The following AFF3 variants were observed in gnomAD, a reference collection of about 807,000 sequenced individuals.
AFF3 encodes the protein ALF transcription elongation factor 3.
In AFF3, 32 loss-of-function variants were observed where a neutral mutation model predicts 129.7. The ratio of observed to expected loss-of-function variants is 0.25; its 90% CI spans 0.19 to 0.33. AFF3 has a LOEUF of 0.33. Among genes scored for constraint, AFF3 ranks in the 10% least tolerant of loss-of-function variants. The probability of loss-of-function intolerance (pLI) is 1.00; values close to 1 mark genes in which losing one functional copy is unlikely to be tolerated. For synonymous variants in AFF3, 644 were observed against 635.4 expected, an observed-to-expected ratio of 1.01 and a Z score of -0.20; for missense variants, 1,373 against 1,592.0, an observed-to-expected ratio of 0.86 and a Z score of 2.34.
intron 7 of AFF3, among the ~76,000 whole-genome samples, chr2:99,920,048 C>T (rs1695748217): frequency 6.6e-6 from 1 of 152,054 alleles, no homozygotes; most frequent in East Asian, 1.9e-4. Context: ...AACTCTATAT[C>T]TGTTTAAGAA....
chr2:99,915,985 G>C (rs1695448863), intron 7 of AFF3, among the ~76,000 whole-genome samples: 1 of 152,124 alleles, frequency 6.6e-6, no homozygotes, highest in Non-Finnish European at 1.5e-5. Flanking sequence ...TAAAGTTTCT[G>C]AAAGACAAAG....
At chr2:99,826,524 G>C (rs1688091872) in intron 8 of AFF3, among the ~76,000 whole-genome samples, 1 of 152,200 alleles carries the variant, frequency 6.6e-6, no homozygotes, top group Non-Finnish European at 1.5e-5. Context: ...GACATCTCTA[G>C]TGAGGCTTGG....
intron 4 of AFF3, among the ~76,000 whole-genome samples, chr2:100,053,115 A>G (rs945101417): frequency 3.9e-5 from 6 of 152,230 alleles, no homozygotes; most frequent in African/African-American, 7.2e-5. Flanking sequence ...CAGGTAATCA[A>G]AAAGTCATTT....
intron 10 of AFF3, among the ~76,000 whole-genome samples, chr2:99,734,756 T>C (rs1337799073): frequency 6.6e-6 from 1 of 152,134 alleles, no homozygotes; most frequent in African/African-American, 2.4e-5. Flanking sequence ...ATTTTGTACT[T>C]GGCTGGATGG....
intron 7 of AFF3, among the ~76,000 whole-genome samples, chr2:99,849,403 C>G (rs766324067): frequency 6.6e-6 from 1 of 152,122 alleles, no homozygotes; most frequent in Non-Finnish European, 1.5e-5. Context: ...CTCAAAATCA[C>G]CAGAGGTTGT....
chr2:100,016,952 ATGG>A (rs1356703591), intron 4 of AFF3, among the ~76,000 whole-genome samples: 1 of 143,398 alleles, frequency 7.0e-6, no homozygotes, highest in Non-Finnish European at 1.5e-5. Context: ...AGTGAAGTTG[ATGG>A]TGGTGATGAT....
At chr2:100,054,628 T>C (rs1331677956) in intron 4 of AFF3, among the ~76,000 whole-genome samples, 7 of 152,250 alleles carry the variant, frequency 4.6e-5, no homozygotes, top group Admixed American at 4.6e-4. Flanking sequence ...CTGCAGATCT[T>C]GGAACTTGTT....
chr2:100,017,172 A>C (rs1349609962), intron 4 of AFF3, among the ~76,000 whole-genome samples: 1 of 152,132 alleles, frequency 6.6e-6, no homozygotes, highest in Non-Finnish European at 1.5e-5. Flanking sequence ...TAAATCCTAA[A>C]GAACATGACT....
chr2:99,968,833 T>A (rs1411666182), intron 7 of AFF3, among the ~76,000 whole-genome samples: 1 of 152,166 alleles, frequency 6.6e-6, no homozygotes, highest in Non-Finnish European at 1.5e-5. Flanking sequence ...AAGTTTCACC[T>A]CCCTCTACCT....
intron 7 of AFF3, among the ~76,000 whole-genome samples, chr2:99,988,059 G>C (rs1215041629): frequency 6.6e-6 from 1 of 152,166 alleles, no homozygotes; most frequent in Non-Finnish European, 1.5e-5. Context: ...GCAGCTATGT[G>C]AGCCGACTGA....
intron 4 of AFF3, among the ~76,000 whole-genome samples, chr2:100,038,776 T>C (rs974242307): frequency 1.3e-5 from 2 of 151,386 alleles, no homozygotes; most frequent in Admixed American, 1.3e-4. Flanking sequence ...CAGGCTGGAG[T>C]GCAATGGCGT....
Position 99,547,955 on chromosome 2 carries a change from T to C in AFF3, c.*3519A>G, listed in dbSNP as rs1041784032. Reference sequence around the variant, plus strand: ...TCAACTCTTCAGATTATTTTTCCAGTACATTCCTCATTAGATTGTGGGTTT... The same window carrying C: ...TCAACTCTTCAGATTATTTTTCCAGCACATTCCTCATTAGATTGTGGGTTT... On this transcript the variant is annotated 3_prime_UTR_variant, in exon 25 of 25. Coordinates refer to ENST00000672756, the MANE Select transcript of AFF3 (RefSeq NM_001386135.1). The C allele has an allele frequency of 9.4e-6, 2 of 211,878 alleles. No homozygotes were observed. Among genetic ancestry groups the C allele is most frequent in the South Asian group, 1.9e-4 (1 of 5,326 alleles). The allele number at this position is 211,878 out of a possible 1,614,324, so 13.1% of individuals were successfully genotyped here. A position where few individuals can be genotyped will look rare whatever the true frequency, so the allele number is the denominator to read the frequency against.
intron 7 of AFF3, among the ~76,000 whole-genome samples, chr2:99,936,773 G>A (rs890921963): frequency 5.3e-5 from 8 of 152,248 alleles, no homozygotes; most frequent in Admixed American, 2.6e-4. Flanking sequence ...GAGTTCTAAC[G>A]ACCTTCATCA....
intron 4 of AFF3, among the ~76,000 whole-genome samples, chr2:100,041,673 G>A (rs1417186414): frequency 1.3e-5 from 2 of 152,056 alleles, no homozygotes; most frequent in African/African-American, 2.4e-5. Flanking sequence ...TGCCCTACTC[G>A]GAGGAACAAT....
chr2:99,632,959 G>A (rs968532165), intron 13 of AFF3, among the ~76,000 whole-genome samples: 8 of 152,140 alleles, frequency 5.3e-5, no homozygotes, highest in South Asian at 2.1e-4. Flanking sequence ...AGGAGGAAAC[G>A]GAGTGTTTGA....
At chr2:99,855,487 T>C (rs1472969008) in intron 7 of AFF3, among the ~76,000 whole-genome samples, 1 of 152,066 alleles carries the variant, frequency 6.6e-6, no homozygotes, top group African/African-American at 2.4e-5. Context: ...AATACCTTGA[T>C]GGAGTATGTC....
At chr2:99,930,732 T>G (rs1340805106) in intron 7 of AFF3, among the ~76,000 whole-genome samples, 1 of 152,214 alleles carries the variant, frequency 6.6e-6, no homozygotes, top group Non-Finnish European at 1.5e-5. Context: ...GGGGCTTTTA[T>G]ATTTCTTTAA....
intron 9 of AFF3, among the ~76,000 whole-genome samples, chr2:99,751,138 G>A (rs1337615654): frequency 6.6e-6 from 1 of 152,144 alleles, no homozygotes; most frequent in African/African-American, 2.4e-5. Context: ...CTGTCACCCA[G>A]GCTGGAGTGC....
chr2:99,652,517 A>G (rs1366579548), intron 12 of AFF3, among the ~76,000 whole-genome samples: 3 of 152,156 alleles, frequency 2.0e-5, no homozygotes, highest in African/African-American at 7.2e-5. Context: ...GGCTGTAGGG[A>G]ACATGAGCTC....
Sources: allele counts gnomAD v4.1 joint callset (sites outside exome capture counted in the v4.1 genomes callset), GRCh38; gene constraint gnomAD v4.1.1; transcripts MANE v1.5; gene names NCBI Gene and HGNC (gene_info 2026-07-23, HGNC 2026-07-21).